Variants in SYNDIG1L observed in about 807,000 individuals in gnomAD.
The protein encoded by SYNDIG1L is synapse differentiation inducing 1 like, also known as synapse differentiation-inducing gene protein 1-like.
In SYNDIG1L, 13 loss-of-function variants were observed where a neutral mutation model predicts 20.1. The observed-to-expected ratio is 0.65, with a 90% CI of 0.42 to 1.03. SYNDIG1L has a LOEUF of 1.03. Ranked by LOEUF, SYNDIG1L falls within the 50% of genes least tolerant of loss-of-function variation. The pLI, the probability that SYNDIG1L is intolerant of heterozygous loss-of-function variation, is 0.00. For synonymous variants in SYNDIG1L, 128 were observed against 129.3 expected, an observed-to-expected ratio of 0.99 and a Z score of 0.07; for missense variants, 294 against 305.1, an observed-to-expected ratio of 0.96 and a Z score of 0.27.
intron 1 of SYNDIG1L, among the ~76,000 whole-genome samples, chr14:74,424,280 T>G (rs1055739420): frequency 1.3e-5 from 2 of 152,302 alleles, no homozygotes; most frequent in South Asian, 2.1e-4. Flanking sequence ...CAGAGGGGAA[T>G]GGACCTGCCT....
the SYNDIG1L span, among the ~76,000 whole-genome samples, chr14:74,459,415 G>A: frequency 1.4e-4 from 22 of 151,852 alleles, no homozygotes; most frequent in Non-Finnish European, 2.9e-4. Flanking sequence ...GAGGTGGGAG[G>A]ATCCCTTGAG....
the SYNDIG1L span, among the ~76,000 whole-genome samples, chr14:74,437,160 A>G: frequency 1.3e-5 from 2 of 152,216 alleles, no homozygotes; most frequent in East Asian, 1.9e-4. Flanking sequence ...CCTCCAGCAT[A>G]TAAGCTCTAA....
chr14:74,465,375 A>G, the SYNDIG1L span, among the ~76,000 whole-genome samples: 13 of 152,292 alleles, frequency 8.5e-5, no homozygotes, highest in South Asian at 2.1e-4. Flanking sequence ...GAGCAGCTCA[A>G]GCCGGCTCAT....
upstream of SYNDIG1L, among the ~76,000 whole-genome samples, chr14:74,427,398 C>T (rs769543284): frequency 1.2e-4 from 19 of 152,070 alleles, no homozygotes; most frequent in Non-Finnish European, 2.2e-4. Context: ...TGCTATAGCA[C>T]ATAGCATGGT....
chr14:74,410,472 G>A (rs900079515), intron 1 of SYNDIG1L, among the ~76,000 whole-genome samples: 1 of 152,158 alleles, frequency 6.6e-6, no homozygotes, highest in African/African-American at 2.4e-5. Flanking sequence ...CTAAGAGGGG[G>A]TACTAGGTTA....
intron 1 of SYNDIG1L, among the ~76,000 whole-genome samples, chr14:74,413,580 A>ATT (rs2086149964): frequency 6.6e-6 from 1 of 150,936 alleles, no homozygotes; most frequent in South Asian, 2.1e-4. Context: ...TCTTTTTTAT[A>ATT]CTGTTTTTTC....
At chr14:74,414,870 TGGTG>T (rs1280978819) in intron 1 of SYNDIG1L, among the ~76,000 whole-genome samples, 1 of 152,006 alleles carries the variant, frequency 6.6e-6, no homozygotes, top group Non-Finnish European at 1.5e-5. Context: ...AAGTGGTGTG[TGGTG>T]GGTGGGTAAT....
chr14:74,462,664 C>T, the SYNDIG1L span, among the ~76,000 whole-genome samples: 1 of 151,954 alleles, frequency 6.6e-6, no homozygotes, highest in East Asian at 1.9e-4. Context: ...TGCCACTATG[C>T]TGGGCTAATT....
At chr14:74,450,748 T>C in the SYNDIG1L span, among the ~76,000 whole-genome samples, 33 of 152,176 alleles carry the variant, frequency 2.2e-4, no homozygotes, top group Admixed American at 3.3e-4. Flanking sequence ...TCTGATAAAG[T>C]ACTTCTACAT....
At chr14:74,473,806 G>A in the SYNDIG1L span, among the ~76,000 whole-genome samples, 238 of 152,322 alleles carry the variant, frequency 1.6e-3, no homozygotes, top group African/African-American at 5.3e-3. Context: ...CAGACTTCAT[G>A]ATGATCAGGA....
chr14:74,453,707 C>T, the SYNDIG1L span, among the ~76,000 whole-genome samples: 1 of 152,078 alleles, frequency 6.6e-6, no homozygotes, highest in African/African-American at 2.4e-5. Flanking sequence ...AATCCTAGAA[C>T]TTTGGGAAGC....
At chr14:74,414,674 G>A (rs535469352) in intron 1 of SYNDIG1L, among the ~76,000 whole-genome samples, 87 of 152,256 alleles carry the variant, frequency 5.7e-4, no homozygotes, top group African/African-American at 2.0e-3. Flanking sequence ...TATGACTCTA[G>A]GATTTTATTG....
Position 74,409,634 on chromosome 14 carries a change from C to G in SYNDIG1L, c.111G>C (p.Lys37Asn). 2.0e-6 allele frequency: 3 copies of G among 1,495,616 alleles called. No homozygotes were observed. Among genetic ancestry groups the G allele is most frequent in the Non-Finnish European group, 2.7e-6 (3 of 1,123,120 alleles). 92.6% of individuals were successfully genotyped at this position (1,495,616 alleles called of 1,614,324 possible). ...CGCCACCTAGGAGGTAGGAGTAGAG[C>G]TTTTCCTGGCAGGACCAGCTGGGTG... ...ETPPSWSCQE[K>N]LYSYLLGGAG... Residue 37 changes from lysine to asparagine, a missense_variant, in exon 2 of 4, where the codon AAG (lysine) becomes AAC (asparagine). Coordinates refer to ENST00000331628, the MANE Select transcript of SYNDIG1L (RefSeq NM_001105579.2).
At chr14:74,448,545 T>C in the SYNDIG1L span, among the ~76,000 whole-genome samples, 6 of 152,186 alleles carry the variant, frequency 3.9e-5, no homozygotes, top group African/African-American at 7.2e-5. Context: ...TAATTATAGC[T>C]GAAAAATTTT....
At chr14:74,417,391 A>G (rs1378964002) in intron 1 of SYNDIG1L, among the ~76,000 whole-genome samples, 1 of 152,196 alleles carries the variant, frequency 6.6e-6, no homozygotes, top group African/African-American at 2.4e-5. Context: ...GGCATCATGA[A>G]CACTGTTAAA....
the SYNDIG1L span, among the ~76,000 whole-genome samples, chr14:74,467,731 T>A: frequency 1.3e-5 from 2 of 151,936 alleles, no homozygotes; most frequent in Non-Finnish European, 2.9e-5. Context: ...AGTAGGAGCA[T>A]GGATTGAAAG....
chr14:74,459,704 T>C, the SYNDIG1L span, among the ~76,000 whole-genome samples: 2 of 152,174 alleles, frequency 1.3e-5, no homozygotes, highest in African/African-American at 4.8e-5. Context: ...GTCCAGGCCT[T>C]GGCTACCTCT....
At chr14:74,476,654 A>T in the SYNDIG1L span, 1 of 1,306,052 alleles carries the variant, frequency 7.7e-7, no homozygotes, top group Non-Finnish European at 1.1e-6. Flanking sequence ...GGCCGGATCC[A>T]CTCACCCACA....
At chr14:74,467,107 C>T in the SYNDIG1L span, among the ~76,000 whole-genome samples, 13 of 152,154 alleles carry the variant, frequency 8.5e-5, no homozygotes, top group African/African-American at 2.4e-4. Flanking sequence ...AATGGGTCAC[C>T]GTGTTATTTC....
Sources: allele counts gnomAD v4.1 joint callset (sites outside exome capture counted in the v4.1 genomes callset), GRCh38; gene constraint gnomAD v4.1.1; transcripts MANE v1.5; gene names NCBI Gene and HGNC (gene_info 2026-07-23, HGNC 2026-07-21).